Variants in SEZ6L observed in about 807,000 individuals in gnomAD.
SEZ6L encodes seizure 6-like protein.
SEZ6L carries 37 observed loss-of-function variants against 106.2 expected under a neutral mutation model. The ratio of observed to expected loss-of-function variants is 0.35; its 90% CI spans 0.27 to 0.46. The LOEUF (loss-of-function observed/expected upper bound fraction) is 0.46. SEZ6L is among the 20% of genes least tolerant of loss of function. The pLI, the probability that SEZ6L is intolerant of heterozygous loss-of-function variation, is 1.00. For missense variants in SEZ6L, 1,172 were observed against 1,332.8 expected (o/e 0.88, Z 1.88); for synonymous variants, 541 against 570.4 (o/e 0.95, Z 0.73).
At chr22:26,232,346 T>TCACACA (rs10654892) in intron 1 of SEZ6L, among the ~76,000 whole-genome samples, 7,127 of 133,166 alleles carry the variant, frequency 0.054, 264 homozygotes, top group Middle Eastern at 0.11. Flanking sequence ...TCTCTGTCTT[T>TCACACA]CACACACACA....
chr22:26,283,269 C>T (rs933885387), intron 1 of SEZ6L, among the ~76,000 whole-genome samples: 2 of 152,034 alleles, frequency 1.3e-5, no homozygotes, highest in Admixed American at 1.3e-4. Flanking sequence ...TGAATGTAAT[C>T]CCCAAAGATG....
At chr22:26,185,183 A>G (rs976529187) in intron 1 of SEZ6L, among the ~76,000 whole-genome samples, 2 of 152,246 alleles carry the variant, frequency 1.3e-5, no homozygotes, top group Non-Finnish European at 1.5e-5. Flanking sequence ...GAAGGGGTTA[A>G]AAAGAGAGCT....
At chr22:26,330,114 A>G (rs1276200325) in intron 9 of SEZ6L, among the ~76,000 whole-genome samples, 1 of 152,140 alleles carries the variant, frequency 6.6e-6, no homozygotes, top group Non-Finnish European at 1.5e-5. Flanking sequence ...ACTTTATTTC[A>G]CCTGTGCCAA....
At position 26,169,537 on chromosome 22, in the gene SEZ6L, G is replaced by A. The variant is rs1938420359; in HGVS notation, c.-133G>A. On this transcript the variant is annotated 5_prime_UTR_variant, in exon 1 of 17. Coordinates refer to ENST00000248933, the MANE Select transcript of SEZ6L (RefSeq NM_021115.5). ...AGCGCGCGTCCGCCCAGGGGGCTCC[G>A]GAAGCTGCCCCGGCCCGCGGCCTCC... is the stretch of plus-strand genomic sequence containing the variant. The A allele has an allele frequency of 1.0e-5, 4 of 390,410 alleles. No homozygotes were observed. Among genetic ancestry groups the A allele is most frequent in the South Asian group, 8.4e-5 (1 of 11,936 alleles). 24.2% of individuals were successfully genotyped at this position (390,410 alleles called of 1,614,324 possible).
At chr22:26,359,163 A>G (rs574787666) in intron 12 of SEZ6L, among the ~76,000 whole-genome samples, 23 of 152,308 alleles carry the variant, frequency 1.5e-4, no homozygotes, top group Admixed American at 2.6e-4. Context: ...CTGAAGATAC[A>G]CACAAATGCC....
chr22:26,212,878 T>C (rs1211403853), intron 1 of SEZ6L, among the ~76,000 whole-genome samples: 1 of 152,070 alleles, frequency 6.6e-6, no homozygotes. Context: ...AGAGTGGGAT[T>C]AGAGTGAGAG....
At chr22:26,307,649 A>C (rs1317175549) in intron 6 of SEZ6L, among the ~76,000 whole-genome samples, 2 of 152,010 alleles carry the variant, frequency 1.3e-5, no homozygotes, top group South Asian at 2.1e-4. Flanking sequence ...CCAGAATAAT[A>C]ACCTGGGGAA....
At chr22:26,189,741 C>T (rs529426986) in intron 1 of SEZ6L, among the ~76,000 whole-genome samples, 1 of 152,168 alleles carries the variant, frequency 6.6e-6, no homozygotes, top group African/African-American at 2.4e-5. Context: ...GGTCCTGGAA[C>T]GAGTCTCACA....
At chr22:26,297,169 C>A (rs1208106166) in intron 4 of SEZ6L, 89 bp downstream of exon 4, 4 of 1,089,284 alleles carry the variant, frequency 3.7e-6, no homozygotes, top group African/African-American at 1.6e-5. Flanking sequence ...GTGCCAGGGA[C>A]CTCTCTGACA....
intron 1 of SEZ6L, among the ~76,000 whole-genome samples, chr22:26,248,103 G>A (rs1435519835): frequency 6.6e-6 from 1 of 152,180 alleles, no homozygotes; most frequent in African/African-American, 2.4e-5. Flanking sequence ...ACAAGGAAAA[G>A]CTGCAATACC....
rs915288399 is a variant in SEZ6L, at chr22:26,380,527, T to C, written c.*232T>C. 3 of 425,518 alleles carry C rather than the reference T, an allele frequency of 7.1e-6. No individual in the cohort carries two copies. Among genetic ancestry groups the C allele is most frequent in the African/African-American group, 2.0e-5 (1 of 50,496 alleles). The allele number at this position is 425,518 out of a possible 1,614,324, so 26.4% of individuals were successfully genotyped here. On this transcript the variant is annotated 3_prime_UTR_variant, in exon 17 of 17. Coordinates refer to ENST00000248933, the MANE Select transcript of SEZ6L (RefSeq NM_021115.5). The stretch of plus-strand genomic sequence containing the variant: ...AGCCAAATTCATGTTACAGCCTCAA[T>C]TCTGAAGGCAGGTGGAAGACTTGCA...
At chr22:26,218,971 A>C (rs1448704021) in intron 1 of SEZ6L, among the ~76,000 whole-genome samples, 2 of 152,148 alleles carry the variant, frequency 1.3e-5, no homozygotes, top group Non-Finnish European at 2.9e-5. Context: ...CGAAAAGAAA[A>C]AAGAAAAAAG....
At chr22:26,279,138 C>T (rs921474608) in intron 1 of SEZ6L, among the ~76,000 whole-genome samples, 1 of 152,212 alleles carries the variant, frequency 6.6e-6, no homozygotes, top group African/African-American at 2.4e-5. Flanking sequence ...ATTTCCCATG[C>T]TCTGTCTGTG....
intron 1 of SEZ6L, among the ~76,000 whole-genome samples, chr22:26,279,254 T>A (rs546666448): frequency 6.6e-6 from 1 of 152,254 alleles, no homozygotes; most frequent in South Asian, 2.1e-4. Flanking sequence ...GCAGACCCAG[T>A]ATTGAGATTT....
chr22:26,294,797 T>C (rs2081245399), intron 3 of SEZ6L, among the ~76,000 whole-genome samples: 1 of 151,982 alleles, frequency 6.6e-6, no homozygotes, highest in Non-Finnish European at 1.5e-5. Flanking sequence ...TCTTGCTTGC[T>C]TGCTTCCTTA....
At chr22:26,351,385 C>G in intron 12 of SEZ6L, 142 bp downstream of exon 12, 1 of 645,226 alleles carries the variant, frequency 1.5e-6, no homozygotes. Context: ...CAAAACAGTA[C>G]CTAACACTGA....
At chr22:26,336,988 A>G (rs1433845035) in intron 9 of SEZ6L, among the ~76,000 whole-genome samples, 1 of 152,176 alleles carries the variant, frequency 6.6e-6, no homozygotes, top group Non-Finnish European at 1.5e-5. Context: ...GCCAAAAATG[A>G]AAGTGGAATA....
intron 1 of SEZ6L, among the ~76,000 whole-genome samples, chr22:26,264,029 C>T (rs1227571325): frequency 1.3e-5 from 2 of 152,322 alleles, no homozygotes; most frequent in East Asian, 1.9e-4. Flanking sequence ...GTGAAACCCC[C>T]CATTGCTTTT....
At chr22:26,239,919 C>G (rs1321701752) in intron 1 of SEZ6L, among the ~76,000 whole-genome samples, 1 of 151,794 alleles carries the variant, frequency 6.6e-6, no homozygotes, top group African/African-American at 2.4e-5. Flanking sequence ...CCGCACACAG[C>G]CCCCTCCACC....
Sources: allele counts gnomAD v4.1 joint callset (sites outside exome capture counted in the v4.1 genomes callset), GRCh38; gene constraint gnomAD v4.1.1; transcripts MANE v1.5; gene names NCBI Gene and HGNC (gene_info 2026-07-23, HGNC 2026-07-21).